Variants in CCDC188 observed in about 807,000 individuals in gnomAD.
CCDC188 encodes coiled-coil domain containing 188.
A neutral mutation model predicts 50.7 loss-of-function variants in CCDC188; 37 were observed. That is an observed-to-expected ratio of 0.73 (90% CI 0.56 to 0.96). CCDC188 has a LOEUF of 0.96. Among genes scored for constraint, CCDC188 ranks in the 40% least tolerant of loss-of-function variants. The pLI is 0.00. For missense variants in CCDC188, 453 were observed against 512.9 expected (o/e 0.88, Z 1.13); for synonymous variants, 208 against 228.0 (o/e 0.91, Z 0.79).
chr22:20,149,670 G>A (rs1458693690), intron 4 of CCDC188, 30 bp from the exon 5 acceptor site: 3 of 1,547,122 alleles, frequency 1.9e-6, no homozygotes, highest in Non-Finnish European at 2.6e-6. Flanking sequence ...CGCCTGAGGA[G>A]CAGGACCCAC....
At position 20,150,807 on chromosome 22, in the gene CCDC188, G is replaced by A. The variant is rs548412927; in HGVS notation, c.180C>T (p.Val60=). The A allele has an allele frequency of 6.5e-7, 1 of 1,549,336 alleles. No homozygotes were observed. Among genetic ancestry groups the A allele is most frequent in the South Asian group, 1.2e-5 (1 of 83,982 alleles). Residue 60 remains valine (V), a synonymous_variant, in exon 1 of 9, where the codon GTC becomes GTT. Coordinates refer to ENST00000439765, the MANE Select transcript of CCDC188 (RefSeq NM_001365892.2). The part of the protein sequence containing the change: ...HSVQSQRPFP[V]PGAGGSGPTV... ...TGGGCCCACTGCCCCCTGCCCCTGG[G>A]ACTGGGAAAGGTCTCTGGGACTGCA...
chr22:20,148,599 C>T lies in CCDC188; in HGVS notation c.*15G>A, dbSNP rs755861240. ...GGTCGCCTGGCCTCCTTGCTGGGGC[C>T]GCTGGGCCTCTGGCCTAGAAGGGCA... is the stretch of plus-strand genomic sequence containing the variant. On this transcript the variant is annotated 3_prime_UTR_variant, in exon 9 of 9. Transcript: ENST00000439765. 7.8e-6 allele frequency: 12 copies of T among 1,528,808 alleles called. No individual in the cohort carries two copies. Among genetic ancestry groups the T allele is most frequent in the Admixed American group, 4.2e-5 (2 of 47,736 alleles). The allele number at this position is 1,528,808 out of a possible 1,614,324, so 94.7% of individuals were successfully genotyped here.
rs773215547 is a variant in CCDC188 at position 20,149,548 on chromosome 22, C to T, written c.849+33G>A. On this transcript the variant is annotated intron_variant, in intron 5 of 8. Transcript: ENST00000439765. ...CCGTGGCCTCTCGCCCGCCGGGCCC[C>T]GTCCTTCTGGGTGCTGCCCTGTGGG... The T allele has an allele frequency of 2.3e-5, 35 of 1,550,020 alleles. No individual in the cohort carries two copies. The Admixed American group carries it at 2.5e-4, about 11-fold the overall frequency.
chr22:20,149,163 C>G, intron 7 of CCDC188, 24 bp downstream of exon 7: 1 of 1,454,550 alleles, frequency 6.9e-7, no homozygotes, highest in Non-Finnish European at 9.1e-7. Context: ...TCTCCAGACC[C>G]AGAGTGGGGC....
Position 20,149,341 on chromosome 22 carries a change from G to A in CCDC188, c.914+71C>T, listed in dbSNP as rs1427825192. The stretch of plus-strand genomic sequence containing the variant: ...TGTGGAGGTGGGGGGTCAAGGATGG[G>A]TCTGCCCTGTCCTGACCAGGACACC... On this transcript the variant is annotated intron_variant, in intron 6 of 8. Coordinates refer to ENST00000439765, the MANE Select transcript of CCDC188 (RefSeq NM_001365892.2). The A allele has an allele frequency of 2.6e-6, 4 of 1,547,076 alleles. No homozygotes were observed. In the African/African-American group the frequency reaches 5.5e-5, roughly 21 times the overall value.
At position 20,148,529 on chromosome 22, in the gene CCDC188, A is replaced by G; in HGVS notation, c.*85T>C. ...GGCAAGGATGGTGCACAGTGGTGCC[A>G]TGTGCAGGGGGCTGGCACGGCCACT... On this transcript the variant is annotated 3_prime_UTR_variant, in exon 9 of 9. Coordinates refer to ENST00000439765, the MANE Select transcript of CCDC188 (RefSeq NM_001365892.2). 6.9e-7 allele frequency: 1 copy of G among 1,443,538 alleles called. No individual in the cohort carries two copies. Among genetic ancestry groups the G allele is most frequent in the East Asian group, 2.6e-5 (1 of 38,176 alleles). The allele number at this position is 1,443,538 out of a possible 1,614,324, so 89.4% of individuals were successfully genotyped here.
At chr22:20,148,839 G>A (rs1202788012) in intron 8 of CCDC188, 36 bp downstream of exon 8, 2 of 1,462,986 alleles carry the variant, frequency 1.4e-6, no homozygotes, top group South Asian at 2.8e-5. Flanking sequence ...GCGCGCGGGG[G>A]GCCTGGGGGC....
In CCDC188 at chr22:20,148,488, C is replaced by G. The variant is rs2050555637; in HGVS notation, c.*126G>C. The G allele has an allele frequency of 7.2e-7, 1 of 1,387,598 alleles. No individual in the cohort carries two copies. Among genetic ancestry groups the G allele is most frequent in the African/African-American group, 1.5e-5 (1 of 66,014 alleles). The allele number at this position is 1,387,598 out of a possible 1,614,324, so 86.0% of individuals were successfully genotyped here. A position where few individuals can be genotyped will look rare whatever the true frequency, so the allele number is the denominator to read the frequency against. On this transcript the variant is annotated 3_prime_UTR_variant, in exon 9 of 9. Coordinates refer to ENST00000439765, the MANE Select transcript of CCDC188 (RefSeq NM_001365892.2). ...CCTCAGGACAGACCCCACCTCCACC[C>G]TTCTCTGCAGCTTCTGGCAAGGATG... is the stretch of plus-strand genomic sequence containing the variant.
intron 4 of CCDC188, 42 bp from the exon 5 acceptor site, chr22:20,149,682 G>T: frequency 4.5e-6 from 7 of 1,544,842 alleles, no homozygotes; most frequent in Non-Finnish European, 6.1e-6. Flanking sequence ...AGGACCCACT[G>T]GGTGGGCCCC....
Position 20,149,299 on chromosome 22 carries a change from A to G in CCDC188, c.915-55T>C, listed in dbSNP as rs1301618180. On this transcript the variant is annotated intron_variant, in intron 6 of 8. Transcript: ENST00000439765. ...ACCCTCCACCCCCAGCCTGGCACCCACCCCCTGGCTCGGTGCTGTGGAGGT... is the reference window on the plus strand; with the variant it reads ...ACCCTCCACCCCCAGCCTGGCACCCGCCCCCTGGCTCGGTGCTGTGGAGGT... The G allele has an allele frequency of 2.5e-5, 38 of 1,536,194 alleles. No individual in the cohort carries two copies. The African/African-American group carries it at 2.9e-4, about 12-fold the overall frequency.
chr22:20,149,170 G>T lies in CCDC188; in HGVS notation c.972+17C>A. ...GGGGCTGGTCTCCAGACCCAGAGTG[G>T]GGCGTGGGGGGCTCACCGACATGCT... On this transcript the variant is annotated intron_variant, in intron 7 of 8. Coordinates refer to ENST00000439765, the MANE Select transcript of CCDC188 (RefSeq NM_001365892.2). 1 of 1,456,888 alleles carries T rather than the reference G, an allele frequency of 6.9e-7. No individual in the cohort carries two copies. The allele number at this position is 1,456,888 out of a possible 1,614,324, so 90.2% of individuals were successfully genotyped here.
chr22:20,150,986 TC>T lies in CCDC188; in HGVS notation c.-1del. On this transcript the variant is annotated 5_prime_UTR_variant, in exon 1 of 9. Transcript: ENST00000439765. Reference sequence around the variant, plus strand: ...GGGCCCAGGGTTTTCAGCCCCTCCATCCCTCCCTGCAACCCCTTCCTGATCC... The same window carrying T: ...GGGCCCAGGGTTTTCAGCCCCTCCATCCTCCCTGCAACCCCTTCCTGATCC... 7.2e-7 allele frequency: 1 copy of T among 1,391,950 alleles called. No individual in the cohort carries two copies. The highest frequency in any genetic ancestry group is 9.4e-7 in the Non-Finnish European group (1 of 1,067,838). The allele number at this position is 1,391,950 out of a possible 1,614,324, so 86.2% of individuals were successfully genotyped here.
At position 20,149,566 on chromosome 22, in the gene CCDC188, C is replaced by G; in HGVS notation, c.849+15G>C. 1 of 1,550,226 alleles carries G rather than the reference C, an allele frequency of 6.5e-7. No homozygotes were observed. Among genetic ancestry groups the G allele is most frequent in the Non-Finnish European group, 8.7e-7 (1 of 1,146,908 alleles). Reference sequence around the variant, plus strand: ...CGGGCCCCGTCCTTCTGGGTGCTGCCCTGTGGGGACCTACCAGGAGCCCGG... The same window carrying G: ...CGGGCCCCGTCCTTCTGGGTGCTGCGCTGTGGGGACCTACCAGGAGCCCGG... On this transcript the variant is annotated intron_variant, in intron 5 of 8. Transcript: ENST00000439765.
intron 3 of CCDC188, 57 bp from the exon 4 acceptor site, chr22:20,149,837 C>T: frequency 6.7e-7 from 1 of 1,481,714 alleles, no homozygotes; most frequent in South Asian, 1.4e-5. Flanking sequence ...CCAGTACCTC[C>T]CCGCTGGGCC....
intron 1 of CCDC188, 85 bp downstream of exon 1, chr22:20,150,383 G>T: frequency 7.9e-7 from 1 of 1,261,044 alleles, no homozygotes; most frequent in Non-Finnish European, 1.1e-6. Context: ...GGCGCCAGGT[G>T]GTGGGTGGGG....
chr22:20,148,662 C>T lies in CCDC188; in HGVS notation c.1161G>A (p.Leu387=). The T allele has an allele frequency of 6.5e-7, 1 of 1,547,552 alleles. No homozygotes were observed. Among genetic ancestry groups the T allele is most frequent in the Non-Finnish European group, 8.7e-7 (1 of 1,145,788 alleles). The change falls in exon 9 of 9, where the codon CTG becomes CTA. Residue 387 remains leucine, a synonymous_variant. Transcript: ENST00000439765. ...CTTTGAGGCGCAGGAAGGGGTCCAG[C>T]AGGGCCCGGAGCTTCCAGACGGTGG... ...SRATVWKLRA[L]LDPFLRLKVD...
In CCDC188 at chr22:20,150,163, T is replaced by C. The variant is rs1195441638; in HGVS notation, c.607A>G (p.Ser203Gly). The change falls in exon 2 of 9, where the codon AGC becomes GGC. Residue 203 changes from serine to glycine, a missense_variant. Ser to Gly is a moderately conservative substitution (Grantham distance 56). Transcript: ENST00000439765. ...TTTACCCAGGCCAGAGCAGTGCAGC[T>C]TGAGTGTTCGGGACACAGGGGCAGG... ...QFLPLCPEHS[S>G]CTALAWPPDP... The C allele has an allele frequency of 3.2e-6, 5 of 1,548,112 alleles. No homozygotes were observed. Among genetic ancestry groups the C allele is most frequent in the Non-Finnish European group, 4.4e-6 (5 of 1,145,586 alleles).
At position 20,150,134 on chromosome 22, in the gene CCDC188, T is replaced by C. The variant is rs1282500387; in HGVS notation, c.627+9A>G. On this transcript the variant is annotated intron_variant, in intron 2 of 8. Coordinates refer to ENST00000439765, the MANE Select transcript of CCDC188 (RefSeq NM_001365892.2). Reference sequence around the variant, plus strand: ...TTGGCTGCATGGGGTCCCTGGGCCCTGTATTTACCCAGGCCAGAGCAGTGC... The same window carrying C: ...TTGGCTGCATGGGGTCCCTGGGCCCCGTATTTACCCAGGCCAGAGCAGTGC... The C allele has an allele frequency of 1.9e-6, 3 of 1,542,804 alleles. No individual in the cohort carries two copies. The highest frequency in any genetic ancestry group is 4.9e-5 in the East Asian group (2 of 40,622).
In CCDC188 at chr22:20,150,893, G is replaced by C. The variant is rs1477929697; in HGVS notation, c.94C>G (p.Gln32Glu). 8 of 1,466,916 alleles carry C rather than the reference G, an allele frequency of 5.5e-6. No individual in the cohort carries two copies. The highest frequency in any genetic ancestry group is 7.3e-6 in the Non-Finnish European group (8 of 1,100,116). The allele number at this position is 1,466,916 out of a possible 1,614,324, so 90.9% of individuals were successfully genotyped here. The change falls in exon 1 of 9, where the codon CAG (glutamine) becomes GAG (glutamate). Residue 32 changes from glutamine (Q) to glutamate (E), a missense_variant. Transcript: ENST00000439765. ...CACCCTACAAATCCCTGGCAGGGCT[G>C]GTCCAGGCCTCCTCCATGGCTGCTG... is the stretch of plus-strand genomic sequence containing the variant. ...ASSSHGGGLD[Q>E]PCQGFVGWPC... is the part of the protein sequence containing the mutation.
Sources: gnomAD v4.1 joint callset for allele counts on GRCh38, gnomAD v4.1.1 for gene constraint, MANE v1.5 for transcripts, NCBI Gene and HGNC (gene_info 2026-07-23, HGNC 2026-07-21) for gene names.